The following LRRTM3 variants were observed in gnomAD, a reference collection of about 807,000 sequenced individuals.
The protein encoded by LRRTM3 is leucine-rich repeat transmembrane neuronal protein 3.
In LRRTM3, 24 loss-of-function variants were observed where a neutral mutation model predicts 44.7. The ratio of observed to expected loss-of-function variants is 0.54; its 90% confidence interval spans 0.39 to 0.76. The LOEUF (loss-of-function observed/expected upper bound fraction) is 0.76, where lower values mean the gene tolerates loss of function less well. Ranked by LOEUF, LRRTM3 falls within the 30% of genes least tolerant of loss-of-function variation. The probability of loss-of-function intolerance (pLI) is 0.00; values close to 1 mark genes in which losing one functional copy is unlikely to be tolerated. For missense variants in LRRTM3, 587 were observed against 702.2 expected, an observed-to-expected ratio of 0.84 and a Z score of 1.85; for synonymous variants, 277 against 278.7, an observed-to-expected ratio of 0.99 and a Z score of 0.06.
chr10:67,052,388 C>G (rs1216105767), intron 2 of LRRTM3, among the ~76,000 whole-genome samples: 1 of 151,664 alleles, frequency 6.6e-6, no homozygotes, highest in African/African-American at 2.4e-5. Context: ...GCCTTACTGT[C>G]TATTCCATGG....
intron 2 of LRRTM3, among the ~76,000 whole-genome samples, chr10:66,959,424 G>A (rs533084078): frequency 1.3e-5 from 2 of 152,260 alleles, no homozygotes; most frequent in East Asian, 3.9e-4. Context: ...TTATGAAGAG[G>A]AGTCAGGATT....
intron 2 of LRRTM3, among the ~76,000 whole-genome samples, chr10:67,041,462 A>G (rs1011732039): frequency 1.2e-4 from 19 of 152,168 alleles, no homozygotes; most frequent in African/African-American, 4.3e-4. Flanking sequence ...TTGGAAAGGT[A>G]ATCACCATCA....
chr10:66,954,970 A>G (rs1225794411), intron 2 of LRRTM3, among the ~76,000 whole-genome samples: 2 of 152,188 alleles, frequency 1.3e-5, no homozygotes, highest in Non-Finnish European at 2.9e-5. Flanking sequence ...TCAATTAGGA[A>G]AAGTACCAAG....
At chr10:67,014,136 C>G (rs1253882450) in intron 2 of LRRTM3, among the ~76,000 whole-genome samples, 1 of 152,192 alleles carries the variant, frequency 6.6e-6, no homozygotes, top group Non-Finnish European at 1.5e-5. Flanking sequence ...CTATTGTGCA[C>G]TAATCATTTC....
At chr10:67,080,186 C>T (rs191474379) in intron 2 of LRRTM3, among the ~76,000 whole-genome samples, 19 of 152,254 alleles carry the variant, frequency 1.2e-4, no homozygotes, top group Middle Eastern at 3.4e-3. Flanking sequence ...ATTCCTTTTA[C>T]GTGAGCTACT....
rs570905786 is a variant in LRRTM3, at chr10:67,055,780, A to G, written c.1537-41807A>G. On this transcript the variant is annotated intron_variant, in intron 2 of 2. Coordinates refer to ENST00000361320, the MANE Select transcript of LRRTM3 (RefSeq NM_178011.5). ...GAAAGATGTACCTCAAAGGTTCTTA[A>G]AAGCCATAAGGATATCAGGGGTGTC... 4.6e-5 allele frequency among the ~76,000 whole-genome samples: 7 copies of G among 152,244 alleles called. No homozygotes were observed. In the East Asian group the frequency reaches 9.7e-4, roughly 21 times the overall value.
intron 2 of LRRTM3, among the ~76,000 whole-genome samples, chr10:66,992,993 A>G (rs921590944): frequency 3.3e-5 from 5 of 152,142 alleles, no homozygotes; most frequent in African/African-American, 1.2e-4. Context: ...TATTGCTGCA[A>G]AACAAAACAG....
chr10:67,061,869 C>T (rs554927822), intron 2 of LRRTM3, among the ~76,000 whole-genome samples: 1 of 152,066 alleles, frequency 6.6e-6, no homozygotes, highest in African/African-American at 2.4e-5. Flanking sequence ...GATAAAGAAT[C>T]AAGTTATGTT....
At chr10:67,031,445 G>A (rs1012696613) in intron 2 of LRRTM3, among the ~76,000 whole-genome samples, 9 of 152,146 alleles carry the variant, frequency 5.9e-5, no homozygotes, top group African/African-American at 2.2e-4. Context: ...TATCACTAAT[G>A]TATTGAATTA....
At chr10:67,079,896 CACACACACACACAA>C (rs1856960588) in intron 2 of LRRTM3, among the ~76,000 whole-genome samples, 1 of 120,182 alleles carries the variant, frequency 8.3e-6, no homozygotes, top group African/African-American at 3.3e-5. Flanking sequence ...CACACACACA[CACACACACACACAA>C]AGATAGTCAC....
At chr10:67,095,684 A>G (rs1371159320) in intron 2 of LRRTM3, among the ~76,000 whole-genome samples, 2 of 151,846 alleles carry the variant, frequency 1.3e-5, no homozygotes, top group Non-Finnish European at 2.9e-5. Flanking sequence ...GATTCTGCAT[A>G]TATGAGGCAT....
chr10:67,039,712 C>A (rs1048005380), intron 2 of LRRTM3, among the ~76,000 whole-genome samples: 6 of 152,188 alleles, frequency 3.9e-5, no homozygotes, highest in Non-Finnish European at 8.8e-5. Context: ...GGATTAAGAA[C>A]CATCCCAAAA....
chr10:66,979,167 C>G (rs1417437784), intron 2 of LRRTM3, among the ~76,000 whole-genome samples: 2 of 151,850 alleles, frequency 1.3e-5, no homozygotes, highest in Admixed American at 6.6e-5. Context: ...AGTGTTTCAC[C>G]ATGTTGGCCA....
chr10:67,051,305 C>T (rs1453690578), intron 2 of LRRTM3, among the ~76,000 whole-genome samples: 3 of 152,142 alleles, frequency 2.0e-5, no homozygotes, highest in East Asian at 1.9e-4. Flanking sequence ...CCTTAAATGT[C>T]TTCACAATTG....
At chr10:67,036,274 G>C (rs1854047303) in intron 2 of LRRTM3, among the ~76,000 whole-genome samples, 1 of 151,110 alleles carries the variant, frequency 6.6e-6, no homozygotes, top group East Asian at 1.9e-4. Context: ...ACCACACCCA[G>C]CTTTTTTTTT....
At chr10:66,964,021 A>AT (rs369835729) in intron 2 of LRRTM3, among the ~76,000 whole-genome samples, 2,608 of 149,212 alleles carry the variant, frequency 0.017, 83 homozygotes, top group African/African-American at 0.061. Context: ...TAATTTTCGT[A>AT]TTTTTTTTTC....
chr10:66,930,347 G>C (rs528725034), intron 2 of LRRTM3, among the ~76,000 whole-genome samples: 31 of 152,198 alleles, frequency 2.0e-4, no homozygotes, highest in African/African-American at 7.5e-4. Context: ...TAATAATGCA[G>C]ATACTTCCTC....
chr10:66,952,777 T>A (rs1482224945), intron 2 of LRRTM3, among the ~76,000 whole-genome samples: 1 of 151,980 alleles, frequency 6.6e-6, no homozygotes, highest in Non-Finnish European at 1.5e-5. Context: ...GCTTATGTCC[T>A]ACTAGTTGTT....
chr10:67,001,279 G>A lies in LRRTM3; in HGVS notation c.1536+72827G>A, dbSNP rs565666376. Among the ~76,000 whole-genome samples the A allele has an allele frequency of 6.2e-3, 877 of 142,476 alleles. 4 individuals carry two copies. The highest frequency in any genetic ancestry group is 9.4e-3 in the Non-Finnish European group (620 of 66,258). The allele number at this position is 142,476 out of a possible 152,430, so 93.5% of individuals were successfully genotyped here. A position where few individuals can be genotyped will look rare whatever the true frequency, so the allele number is the denominator to read the frequency against. On this transcript the variant is annotated intron_variant, in intron 2 of 2. Transcript: ENST00000361320. ...TGGAGCCACTGCACTCCAGCCTGAC[G>A]ACAGAGTGAGACTCTGTCTAAAAAA...
Sources: gnomAD v4.1 joint callset for allele counts (sites outside exome capture counted in the v4.1 genomes callset) on GRCh38, gnomAD v4.1.1 for gene constraint, MANE v1.5 for transcripts, NCBI Gene and HGNC (gene_info 2026-07-23, HGNC 2026-07-21) for gene names.